JAK1: variants seen among roughly 807,000 people sequenced by gnomAD.
The protein encoded by JAK1 is tyrosine-protein kinase JAK1.
In JAK1, 16 loss-of-function variants were observed where a neutral mutation model predicts 136.6. That is an observed-to-expected ratio of 0.12 (90% CI 0.08 to 0.18). The LOEUF (loss-of-function observed/expected upper bound fraction) is 0.18. Ranked by LOEUF, JAK1 falls within the 10% of genes least tolerant of loss-of-function variation. The probability of loss-of-function intolerance (pLI) is 1.00; values close to 1 mark genes in which losing one functional copy is unlikely to be tolerated. For synonymous variants in JAK1, 492 were observed against 519.5 expected, an observed-to-expected ratio of 0.95 and a Z score of 0.72; for missense variants, 859 against 1,450.1, an observed-to-expected ratio of 0.59 and a Z score of 6.62.
At chr1:65,047,285 C>A (rs11208576) in intron 1 of JAK1, among the ~76,000 whole-genome samples, 24,533 of 152,082 alleles carry the variant, frequency 0.16, 2,639 homozygotes, top group East Asian at 0.32. Flanking sequence ...AACTACTTCC[C>A]CTTTGAAACA....
chr1:65,052,861 CAA>C (rs35560095), intron 1 of JAK1, among the ~76,000 whole-genome samples: 2 of 88,668 alleles, frequency 2.3e-5, no homozygotes, highest in African/African-American at 5.0e-5. Context: ...GACTCCATCT[CAA>C]AAAAAAAAAA....
chr1:64,968,890 C>T (rs1646424464), upstream of JAK1, among the ~76,000 whole-genome samples: 1 of 146,180 alleles, frequency 6.8e-6, no homozygotes, highest in Non-Finnish European at 1.5e-5. Context: ...TGAGATTGTG[C>T]CACTGCACTC....
At chr1:65,063,467 C>A (rs1055600404) in intron 1 of JAK1, among the ~76,000 whole-genome samples, 1 of 152,158 alleles carries the variant, frequency 6.6e-6, no homozygotes, top group East Asian at 1.9e-4. Context: ...AATAGAAACA[C>A]AAACATGAAA....
At chr1:64,926,343 T>C (rs4916011) in intron 1 of JAK1, among the ~76,000 whole-genome samples, 95,007 of 150,004 alleles carry the variant, frequency 0.63, 33,735 homozygotes, top group Middle Eastern at 0.85. Flanking sequence ...TGCCCATTTT[T>C]CCAGACTCAA....
At position 64,836,082 on chromosome 1, in the gene JAK1, G is replaced by GA; in HGVS notation, c.3258+15dup. On this transcript the variant is annotated intron_variant, in intron 23 of 24. Coordinates refer to ENST00000342505, the MANE Select transcript of JAK1 (RefSeq NM_002227.4). ...AATGGGTACTGGATTCAAATGAAGA[G>GA]AAAAGTAGGACTTACAGCCATGGGA... 1 of 1,419,054 alleles carries GA rather than the reference G, an allele frequency of 7.0e-7. No homozygotes were observed. Among genetic ancestry groups the GA allele is most frequent in the Admixed American group, 1.7e-5 (1 of 59,050 alleles). 87.9% of individuals were successfully genotyped at this position (1,419,054 alleles called of 1,614,324 possible).
intron 22 of JAK1, among the ~76,000 whole-genome samples, chr1:64,837,028 C>T (rs1285216419): frequency 1.3e-5 from 2 of 152,208 alleles, no homozygotes; most frequent in Non-Finnish European, 1.5e-5. Flanking sequence ...CTGCTCTTGT[C>T]TCATTCTTCC....
At chr1:65,003,665 G>A (rs1307907091) in intron 2 of JAK1, 1 of 152,100 alleles carries the variant, frequency 6.6e-6, no homozygotes, top group Non-Finnish European at 1.5e-5. Context: ...AATGTGGAAG[G>A]CAGGAATGGA....
In JAK1 at chr1:64,959,526, G is replaced by A. The variant is rs531712761; in HGVS notation, c.-78+6807C>T. On this transcript the variant is annotated intron_variant, in intron 1 of 24. Coordinates refer to ENST00000342505, the MANE Select transcript of JAK1 (RefSeq NM_002227.4). ...CACCGTTTTACAAACAGGTATACAT[G>A]GTGCCTCTGCCAATAGCCCACAACT... Among the ~76,000 whole-genome samples, 192 of 150,614 alleles carry A rather than the reference G, an allele frequency of 1.3e-3. 1 individual carries two copies. The highest frequency in any genetic ancestry group is 4.5e-3 in the African/African-American group (186 of 41,322).
chr1:64,911,067 A>G (rs1645276410), intron 1 of JAK1, among the ~76,000 whole-genome samples: 2 of 127,696 alleles, frequency 1.6e-5, no homozygotes, highest in Admixed American at 1.7e-4. Flanking sequence ...ATGATAAACA[A>G]GAAAATTATT....
intron 1 of JAK1, among the ~76,000 whole-genome samples, chr1:64,913,717 G>A (rs74777900): frequency 7.8e-3 from 427 of 54,890 alleles, no homozygotes; most frequent in East Asian, 0.021. Context: ...GGGAGGGAGG[G>A]AGGGAGGGAG....
chr1:64,855,285 C>T (rs1275872457), intron 11 of JAK1, among the ~76,000 whole-genome samples: 1 of 152,208 alleles, frequency 6.6e-6, no homozygotes, highest in Non-Finnish European at 1.5e-5. Flanking sequence ...TTTCTGCAGC[C>T]TAATGAGATG....
At chr1:64,869,599 C>A in intron 5 of JAK1, 125 bp from the exon 6 acceptor site, 2 of 719,840 alleles carry the variant, frequency 2.8e-6, no homozygotes, top group Non-Finnish European at 4.7e-6. Context: ...TTGGCAGTTT[C>A]TCTAGCATCA....
chr1:64,849,999 A>C (rs976306783), intron 12 of JAK1, among the ~76,000 whole-genome samples: 1 of 151,676 alleles, frequency 6.6e-6, no homozygotes, highest in Non-Finnish European at 1.5e-5. Context: ...AAAGTAACAA[A>C]CCCCCGAGTG....
chr1:65,061,574 T>C (rs776726638), intron 1 of JAK1, among the ~76,000 whole-genome samples: 45 of 152,210 alleles, frequency 3.0e-4, no homozygotes, highest in Non-Finnish European at 6.0e-4. Context: ...AACTATAGTT[T>C]AGTGTATTTA....
In JAK1 at chr1:64,835,533, G is replaced by A. The variant is rs372341991; in HGVS notation, c.3259-27C>T. The stretch of plus-strand genomic sequence containing the variant: ...TATATAAAATAAAATCAAACAAAAC[G>A]TTTAACTTTGCAAGTATTTACATAA... On this transcript the variant is annotated intron_variant, in intron 23 of 24. Coordinates refer to ENST00000342505, the MANE Select transcript of JAK1 (RefSeq NM_002227.4). The A allele has an allele frequency of 3.0e-5, 40 of 1,334,486 alleles. No individual in the cohort carries two copies. The Middle Eastern group carries it at 1.1e-3, about 36-fold the overall frequency. The allele number at this position is 1,334,486 out of a possible 1,614,324, so 82.7% of individuals were successfully genotyped here.
intron 1 of JAK1, among the ~76,000 whole-genome samples, chr1:64,889,993 T>C (rs1644911305): frequency 6.6e-6 from 1 of 152,290 alleles, no homozygotes; most frequent in South Asian, 2.1e-4. Flanking sequence ...TTACTTTGTG[T>C]TTGCCTTAAA....
intron 1 of JAK1, among the ~76,000 whole-genome samples, chr1:64,920,906 C>T (rs1022168591): frequency 4.6e-5 from 7 of 152,168 alleles, no homozygotes; most frequent in Non-Finnish European, 8.8e-5. Flanking sequence ...CCCTAATATC[C>T]TACTGATAGA....
chr1:64,939,913 T>C (rs1047001123), intron 1 of JAK1, among the ~76,000 whole-genome samples: 1 of 152,234 alleles, frequency 6.6e-6, no homozygotes, highest in Non-Finnish European at 1.5e-5. Context: ...TACTCCTGTG[T>C]TGTAATAGTG....
At chr1:64,922,383 G>A (rs1011955885) in intron 1 of JAK1, among the ~76,000 whole-genome samples, 2 of 152,140 alleles carry the variant, frequency 1.3e-5, no homozygotes, top group Non-Finnish European at 1.5e-5. Flanking sequence ...TCCCCTGTCA[G>A]TTCATTCAGC....
Sources: gnomAD v4.1 joint callset for allele counts (sites outside exome capture counted in the v4.1 genomes callset) on GRCh38, gnomAD v4.1.1 for gene constraint, MANE v1.5 for transcripts, NCBI Gene and HGNC (gene_info 2026-07-23, HGNC 2026-07-21) for gene names.